ADAMTSL1: variants seen among roughly 807,000 people sequenced by gnomAD.
The protein encoded by ADAMTSL1 is ADAMTS-like protein 1.
In ADAMTSL1, 126 loss-of-function variants were observed where a neutral mutation model predicts 201.8. The observed-to-expected ratio is 0.62, with a 90% CI of 0.54 to 0.72. The LOEUF (loss-of-function observed/expected upper bound fraction) is 0.72, where lower values mean the gene tolerates loss of function less well. Ranked by LOEUF, ADAMTSL1 falls within the 30% of genes least tolerant of loss-of-function variation. The probability of loss-of-function intolerance (pLI) is 0.00; values close to 1 mark genes in which losing one functional copy is unlikely to be tolerated. For missense variants in ADAMTSL1, 2,679 were observed against 2,277.8 expected, an observed-to-expected ratio of 1.18 and a Z score of -3.59; for synonymous variants, 1,121 against 903.4, an observed-to-expected ratio of 1.24 and a Z score of -4.32.
At chr9:18,059,334 G>C (rs1221155047) in intron 1 of ADAMTSL1, among the ~76,000 whole-genome samples, 1 of 152,144 alleles carries the variant, frequency 6.6e-6, no homozygotes, top group Non-Finnish European at 1.5e-5. Context: ...GTAGAATTAA[G>C]ATAAATCGAG....
At chr9:18,419,167 A>G (rs1818826172) in intron 2 of ADAMTSL1, among the ~76,000 whole-genome samples, 1 of 152,226 alleles carries the variant, frequency 6.6e-6, no homozygotes, top group Admixed American at 6.5e-5. Context: ...ACTCTCAACC[A>G]AAACCTTATA....
intron 23 of ADAMTSL1, among the ~76,000 whole-genome samples, chr9:18,886,156 G>GTGTGTA (rs1239340236): frequency 0.014 from 1,162 of 83,852 alleles, 26 homozygotes; most frequent in Non-Finnish European, 0.02. Flanking sequence ...ATACATGTGA[G>GTGTGTA]TGTGTATGTG....
intron 1 of ADAMTSL1, among the ~76,000 whole-genome samples, chr9:17,934,914 A>G (rs903562376): frequency 1.3e-5 from 2 of 151,906 alleles, no homozygotes; most frequent in Admixed American, 1.3e-4. Context: ...AAAAAAAAAA[A>G]AAAAAAACTT....
chr9:18,201,145 A>T (rs1829428825), intron 2 of ADAMTSL1, among the ~76,000 whole-genome samples: 1 of 152,106 alleles, frequency 6.6e-6, no homozygotes, highest in Admixed American at 6.6e-5. Context: ...TAGACAGTTT[A>T]TCAAACAGTG....
chr9:18,116,816 T>C (rs892083859), intron 1 of ADAMTSL1, among the ~76,000 whole-genome samples: 2 of 152,344 alleles, frequency 1.3e-5, no homozygotes, highest in African/African-American at 2.4e-5. Flanking sequence ...GCTGCACCCA[T>C]TAACTCATCA....
At chr9:18,168,119 T>A (rs944614704) in intron 2 of ADAMTSL1, among the ~76,000 whole-genome samples, 1 of 147,588 alleles carries the variant, frequency 6.8e-6, no homozygotes, top group Admixed American at 6.8e-5. Context: ...TCTTAACTAG[T>A]TTTTTTTTTA....
intron 20 of ADAMTSL1, among the ~76,000 whole-genome samples, chr9:18,807,393 C>T (rs937300150): frequency 1.3e-5 from 2 of 152,156 alleles, no homozygotes; most frequent in African/African-American, 4.8e-5. Flanking sequence ...GCCTGAAATC[C>T]CAGCACTCTG....
rs149166504 is a variant in ADAMTSL1 at position 18,510,046 on chromosome 9, T to C, written c.191+5090T>C. On this transcript the variant is annotated intron_variant, in intron 2 of 28. Transcript: ENST00000380548. Reference sequence around the variant, plus strand: ...GGTAACTGGAATGTATGTAGTAGCATTCATATTGAGTCCAAATAAATCCCA... The same window carrying C: ...GGTAACTGGAATGTATGTAGTAGCACTCATATTGAGTCCAAATAAATCCCA... Among the ~76,000 whole-genome samples the C allele has an allele frequency of 1.4e-4, 22 of 152,332 alleles. No homozygotes were observed. The East Asian group carries it at 4.3e-3, about 29-fold the overall frequency.
chr9:18,024,816 A>G (rs1430595883), intron 1 of ADAMTSL1, among the ~76,000 whole-genome samples: 1 of 152,056 alleles, frequency 6.6e-6, no homozygotes, highest in Non-Finnish European at 1.5e-5. Flanking sequence ...TGGTAGTTCT[A>G]TTTTTAGTTC....
At chr9:17,994,747 C>T (rs1325713825) in intron 1 of ADAMTSL1, among the ~76,000 whole-genome samples, 2 of 152,110 alleles carry the variant, frequency 1.3e-5, no homozygotes, top group Non-Finnish European at 2.9e-5. Flanking sequence ...CCTGATTTTC[C>T]ATGTTCCTCT....
chr9:18,157,968 T>A (rs903689204), intron 1 of ADAMTSL1, among the ~76,000 whole-genome samples: 1 of 151,838 alleles, frequency 6.6e-6, no homozygotes, highest in East Asian at 2.0e-4. Flanking sequence ...CACTACAGAG[T>A]GTCTGTCTAA....
intron 1 of ADAMTSL1, among the ~76,000 whole-genome samples, chr9:18,114,680 A>C (rs1825174194): frequency 1.3e-5 from 2 of 152,172 alleles, no homozygotes; most frequent in Non-Finnish European, 2.9e-5. Context: ...AGAAAAAAAC[A>C]AAAGAAGATT....
chr9:18,836,126 G>A (rs1415342600), intron 23 of ADAMTSL1, among the ~76,000 whole-genome samples: 1 of 152,110 alleles, frequency 6.6e-6, no homozygotes, highest in Non-Finnish European at 1.5e-5. Flanking sequence ...CCCACCATCA[G>A]TATAAAAGCA....
chr9:18,191,890 A>G (rs1178461595), intron 2 of ADAMTSL1, among the ~76,000 whole-genome samples: 2 of 152,134 alleles, frequency 1.3e-5, no homozygotes, highest in East Asian at 3.9e-4. Context: ...AAAAGAGAGT[A>G]ATAAAAGGGA....
intron 5 of ADAMTSL1, 115 bp downstream of exon 5, chr9:18,622,484 CT>C: frequency 6.8e-7 from 1 of 1,472,698 alleles, no homozygotes; most frequent in South Asian, 1.3e-5. Context: ...GATAATGAAC[CT>C]GAAAATGTAG....
chr9:18,574,803 T>C (rs1822603109), intron 4 of ADAMTSL1, among the ~76,000 whole-genome samples: 1 of 152,178 alleles, frequency 6.6e-6, no homozygotes, highest in African/African-American at 2.4e-5. Flanking sequence ...GCCAGTTAAA[T>C]CTTTAAAACA....
intron 2 of ADAMTSL1, among the ~76,000 whole-genome samples, chr9:18,413,066 C>A (rs1818516071): frequency 6.6e-6 from 1 of 151,250 alleles, no homozygotes; most frequent in African/African-American, 2.4e-5. Flanking sequence ...TTTTTCTATA[C>A]TCTGAACTAA....
chr9:18,263,837 C>T (rs1832018921), intron 2 of ADAMTSL1, among the ~76,000 whole-genome samples: 1 of 152,108 alleles, frequency 6.6e-6, no homozygotes, highest in Non-Finnish European at 1.5e-5. Flanking sequence ...TAGCCGCCAA[C>T]AAGCCAGGAA....
At chr9:18,601,792 T>C (rs1354355239) in intron 4 of ADAMTSL1, among the ~76,000 whole-genome samples, 1 of 151,426 alleles carries the variant, frequency 6.6e-6, no homozygotes, top group East Asian at 1.9e-4. Flanking sequence ...ACATTATATA[T>C]AGATGTAATG....
Sources: allele counts gnomAD v4.1 joint callset (sites outside exome capture counted in the v4.1 genomes callset), GRCh38; gene constraint gnomAD v4.1.1; transcripts MANE v1.5; gene names NCBI Gene and HGNC (gene_info 2026-07-23, HGNC 2026-07-21).